Variants in NAV3 observed in about 807,000 individuals in gnomAD.
NAV3 encodes the protein neuron navigator 3.
NAV3 carries 87 observed loss-of-function variants against 244.7 expected under a neutral mutation model. The observed-to-expected ratio is 0.36, with a 90% CI of 0.30 to 0.42. The LOEUF is 0.42. Ranked by LOEUF, NAV3 falls within the 20% of genes least tolerant of loss-of-function variation. The pLI is 1.00. For missense variants in NAV3, 2,663 were observed against 2,893.3 expected, an observed-to-expected ratio of 0.92 and a Z score of 1.83; for synonymous variants, 1,126 against 1,042.2, an observed-to-expected ratio of 1.08 and a Z score of -1.55.
intron 5 of NAV3, among the ~76,000 whole-genome samples, chr12:77,983,590 G>A (rs1340360809): frequency 6.6e-6 from 1 of 152,174 alleles, no homozygotes; most frequent in African/African-American, 2.4e-5. Flanking sequence ...ATGGACCTGG[G>A]AACATTAGCT....
intron 12 of NAV3, among the ~76,000 whole-genome samples, chr12:78,078,903 T>C (rs1010043466): frequency 2.0e-5 from 3 of 152,204 alleles, no homozygotes; most frequent in Non-Finnish European, 4.4e-5. Context: ...AGAGAAGTAT[T>C]TAGAAAAATC....
At chr12:78,058,114 A>G (rs1050910605) in intron 11 of NAV3, among the ~76,000 whole-genome samples, 5 of 152,146 alleles carry the variant, frequency 3.3e-5, no homozygotes, top group Non-Finnish European at 7.3e-5. Context: ...ACTAATTGTG[A>G]CAGATAGCAG....
At chr12:78,189,302 T>G (rs532193747) in intron 33 of NAV3, among the ~76,000 whole-genome samples, 4 of 151,974 alleles carry the variant, frequency 2.6e-5, no homozygotes, top group Admixed American at 6.6e-5. Context: ...AATTCCTTGT[T>G]TATTTATGTT....
chr12:78,137,349 A>G lies in NAV3; in HGVS notation c.4614A>G (p.Arg1538=). Residue 1538 remains arginine (R), a synonymous_variant, in exon 19 of 40, where the codon AGA becomes AGG. Transcript: ENST00000397909. ...CCATCAGTCATTCGGGCTCATTCAGAGACAGCATGGAAGAAGGTAAGCGTT... is the reference window on the plus strand; with the variant it reads ...CCATCAGTCATTCGGGCTCATTCAGGGACAGCATGGAAGAAGGTAAGCGTT... ...PRAISHSGSF[R]DSMEEVHGSS... 1.2e-6 allele frequency: 2 copies of G among 1,611,800 alleles called. No individual in the cohort carries two copies. The highest frequency in any genetic ancestry group is 1.7e-6 in the Non-Finnish European group (2 of 1,179,330).
At chr12:77,617,609 A>C (rs1281453505) in intron 2 of NAV3, among the ~76,000 whole-genome samples, 2 of 152,238 alleles carry the variant, frequency 1.3e-5, no homozygotes, top group African/African-American at 4.8e-5. Flanking sequence ...AGGGCGGCCA[A>C]GCAAGGAGAC....
chr12:78,175,929 A>AAGG (rs147339180), intron 25 of NAV3, among the ~76,000 whole-genome samples: 9,190 of 151,790 alleles, frequency 0.061, 250 homozygotes, highest in Non-Finnish European at 0.071. Flanking sequence ...CTTGGAGGAA[A>AAGG]AGGAGAATGG....
At chr12:77,796,203 GGGA>G (rs1565817147) in intron 2 of NAV3, among the ~76,000 whole-genome samples, 1 of 152,082 alleles carries the variant, frequency 6.6e-6, no homozygotes, top group Non-Finnish European at 1.5e-5. Context: ...TATGATTCAT[GGGA>G]GGAGGTTAAA....
chr12:78,135,218 C>G (rs1371456336), intron 18 of NAV3, among the ~76,000 whole-genome samples: 1 of 152,206 alleles, frequency 6.6e-6, no homozygotes, highest in South Asian at 2.1e-4. Flanking sequence ...CTTCTTCAGA[C>G]ATCTGCCCTA....
At chr12:77,964,134 TTG>T (rs1323897403) in intron 3 of NAV3, among the ~76,000 whole-genome samples, 3 of 151,728 alleles carry the variant, frequency 2.0e-5, no homozygotes, top group Non-Finnish European at 4.4e-5. Context: ...AGAGAGAGAG[TTG>T]TGTCTAACAC....
intron 2 of NAV3, among the ~76,000 whole-genome samples, chr12:77,810,893 C>A (rs910257718): frequency 6.6e-6 from 1 of 152,130 alleles, no homozygotes; most frequent in Admixed American, 6.5e-5. Context: ...TATTTAAATG[C>A]AAAAATACTT....
chr12:77,683,418 C>G (rs1874563329), intron 2 of NAV3, among the ~76,000 whole-genome samples: 1 of 151,850 alleles, frequency 6.6e-6, no homozygotes, highest in Non-Finnish European at 1.5e-5. Context: ...TACTCAAGCT[C>G]TGTAGTAGAT....
At chr12:77,770,772 T>C (rs577784360) in intron 2 of NAV3, among the ~76,000 whole-genome samples, 32 of 152,282 alleles carry the variant, frequency 2.1e-4, no homozygotes, top group Non-Finnish European at 3.2e-4. Context: ...TCAAGATGGA[T>C]TAAAGACTTA....
In NAV3 at chr12:78,032,013, A is replaced by G. The variant is rs117255745; in HGVS notation, c.2023+10151A>G. On this transcript the variant is annotated intron_variant, in intron 9 of 39. Coordinates refer to ENST00000397909, the MANE Select transcript of NAV3 (RefSeq NM_001024383.2). ...CTCAAATGAAACAAACATAGAGGAAACAGAACCTAAATCAGGAGAGACCAA... is the reference window on the plus strand; with the variant it reads ...CTCAAATGAAACAAACATAGAGGAAGCAGAACCTAAATCAGGAGAGACCAA... Among the ~76,000 whole-genome samples, 499 of 152,256 alleles carry G rather than the reference A, an allele frequency of 3.3e-3. 2 individuals carry two copies. The highest frequency in any genetic ancestry group is 6.1e-3 in the Non-Finnish European group (416 of 68,006).
intron 12 of NAV3, among the ~76,000 whole-genome samples, chr12:78,113,788 C>T (rs1277380634): frequency 6.6e-6 from 1 of 152,192 alleles, no homozygotes; most frequent in Non-Finnish European, 1.5e-5. Flanking sequence ...ATTTCTGCAG[C>T]AGGCTTGAAT....
intron 22 of NAV3, among the ~76,000 whole-genome samples, chr12:78,153,273 G>A (rs1957145743): frequency 1.3e-5 from 2 of 151,982 alleles, no homozygotes; most frequent in South Asian, 4.1e-4. Flanking sequence ...CATTTGACTG[G>A]CAGAGTAAAG....
intron 2 of NAV3, among the ~76,000 whole-genome samples, chr12:77,643,876 T>C (rs1281206228): frequency 2.0e-5 from 3 of 152,116 alleles, no homozygotes; most frequent in Non-Finnish European, 4.4e-5. Context: ...TACATAGTTG[T>C]TTTTATTAAA....
intron 2 of NAV3, among the ~76,000 whole-genome samples, chr12:77,628,807 C>T (rs1247034379): frequency 2.0e-5 from 3 of 151,226 alleles, no homozygotes; most frequent in Admixed American, 6.6e-5. Flanking sequence ...GGGAGAATCC[C>T]CTGAGCCCAG....
At chr12:77,782,240 C>T (rs974043630) in intron 2 of NAV3, among the ~76,000 whole-genome samples, 1 of 151,748 alleles carries the variant, frequency 6.6e-6, no homozygotes, top group African/African-American at 2.4e-5. Flanking sequence ...TGAAATTCCT[C>T]CCCTCTCCCC....
At chr12:78,031,758 A>G in intron 9 of NAV3, among the ~76,000 whole-genome samples, 1 of 117,368 alleles carries the variant, frequency 8.5e-6, no homozygotes, top group African/African-American at 3.2e-5. Context: ...GGGGGGAGGG[A>G]TAGCAATGGG....
Sources: gnomAD v4.1 joint callset for allele counts (sites outside exome capture counted in the v4.1 genomes callset) on GRCh38, gnomAD v4.1.1 for gene constraint, MANE v1.5 for transcripts, NCBI Gene and HGNC (gene_info 2026-07-23, HGNC 2026-07-21) for gene names.